ARHGAP42: variants seen among roughly 807,000 people sequenced by gnomAD.
ARHGAP42 encodes Rho GTPase activating protein 42.
Under a neutral mutation model 125.0 loss-of-function variants are expected in ARHGAP42, and 63 were observed. That is an observed-to-expected ratio of 0.50 (90% CI 0.41 to 0.62). ARHGAP42 has a LOEUF of 0.62. Among genes scored for constraint, ARHGAP42 ranks in the 20% least tolerant of loss-of-function variants. The probability of loss-of-function intolerance (pLI) is 0.00; values close to 1 mark genes in which losing one functional copy is unlikely to be tolerated. For synonymous variants in ARHGAP42, 339 were observed against 351.0 expected (o/e 0.97, Z 0.38); for missense variants, 766 against 1,024.2 (o/e 0.75, Z 3.44).
At chr11:100,732,676 G>A (rs531816937) in intron 1 of ARHGAP42, among the ~76,000 whole-genome samples, 2 of 152,204 alleles carry the variant, frequency 1.3e-5, no homozygotes, top group African/African-American at 4.8e-5. Flanking sequence ...CCTCTGAGGT[G>A]GACACAGGCC....
chr11:100,921,901 A>G (rs1005631699), intron 6 of ARHGAP42, among the ~76,000 whole-genome samples: 4 of 152,048 alleles, frequency 2.6e-5, no homozygotes, highest in Non-Finnish European at 5.9e-5. Context: ...TTAATGTATT[A>G]GCATTGTTTC....
intron 4 of ARHGAP42, among the ~76,000 whole-genome samples, chr11:100,871,675 G>A (rs555104085): frequency 2.0e-5 from 3 of 152,206 alleles, no homozygotes; most frequent in South Asian, 2.1e-4. Context: ...TTGAGCACAC[G>A]TTTGTCAAAG....
At chr11:100,719,452 T>C (rs1378416559) in intron 1 of ARHGAP42, among the ~76,000 whole-genome samples, 1 of 152,158 alleles carries the variant, frequency 6.6e-6, no homozygotes, top group Non-Finnish European at 1.5e-5. Flanking sequence ...CAGAGGACCT[T>C]AAGTGATCAA....
At chr11:100,879,760 A>G (rs760368191) in intron 4 of ARHGAP42, among the ~76,000 whole-genome samples, 1 of 152,088 alleles carries the variant, frequency 6.6e-6, no homozygotes, top group Non-Finnish European at 1.5e-5. Flanking sequence ...TCTCCGCTGT[A>G]TATTTCCCTT....
At chr11:100,900,373 C>T (rs1329270008) in intron 4 of ARHGAP42, among the ~76,000 whole-genome samples, 1 of 152,130 alleles carries the variant, frequency 6.6e-6, no homozygotes, top group Non-Finnish European at 1.5e-5. Flanking sequence ...GTGAATCTGA[C>T]AATTATGTGT....
At chr11:100,727,037 C>T (rs10895010) in intron 1 of ARHGAP42, among the ~76,000 whole-genome samples, 10,790 of 152,206 alleles carry the variant, frequency 0.071, 528 homozygotes, top group Middle Eastern at 0.14. Context: ...CTCTGTTCCT[C>T]CTGGGGATCC....
intron 1 of ARHGAP42, among the ~76,000 whole-genome samples, chr11:100,738,711 T>G (rs1862117491): frequency 1.3e-5 from 2 of 152,344 alleles, no homozygotes; most frequent in Admixed American, 1.3e-4. Flanking sequence ...TGCTGACTAC[T>G]AAAGGTAGTT....
At chr11:100,687,995 G>A in intron 1 of ARHGAP42, 163 bp downstream of exon 1, 1 of 750,392 alleles carries the variant, frequency 1.3e-6, no homozygotes, top group East Asian at 2.9e-5. Context: ...GTTTGTTCTT[G>A]AGGTGTTCTT....
chr11:100,770,473 A>T, intron 2 of ARHGAP42, 35 bp downstream of exon 2: 1 of 1,380,764 alleles, frequency 7.2e-7, no homozygotes, highest in Non-Finnish European at 9.9e-7. Context: ...TCTATTACTA[A>T]TATTTATTTT....
At chr11:100,798,579 C>T (rs1302324351) in intron 3 of ARHGAP42, among the ~76,000 whole-genome samples, 24 of 152,184 alleles carry the variant, frequency 1.6e-4, no homozygotes, top group Admixed American at 1.6e-3. Flanking sequence ...ATTGCACACT[C>T]AGTAGACTAC....
chr11:100,820,483 T>C (rs1864379641), intron 3 of ARHGAP42, among the ~76,000 whole-genome samples: 1 of 152,156 alleles, frequency 6.6e-6, no homozygotes, highest in African/African-American at 2.4e-5. Flanking sequence ...CTGGACAGAC[T>C]TAAAGAGACT....
chr11:100,941,146 G>A (rs934010851), intron 8 of ARHGAP42, among the ~76,000 whole-genome samples: 1 of 152,238 alleles, frequency 6.6e-6, no homozygotes, highest in African/African-American at 2.4e-5. Context: ...CTGGGAAACA[G>A]CAACTACAAA....
At chr11:100,896,585 A>G (rs144701506) in intron 4 of ARHGAP42, among the ~76,000 whole-genome samples, 10,083 of 152,234 alleles carry the variant, frequency 0.066, 460 homozygotes, top group East Asian at 0.25. Flanking sequence ...TTCTCTGATG[A>G]CTAGTGATGA....
At chr11:100,706,371 A>G (rs1274582339) in intron 1 of ARHGAP42, among the ~76,000 whole-genome samples, 2 of 152,222 alleles carry the variant, frequency 1.3e-5, no homozygotes, top group African/African-American at 4.8e-5. Flanking sequence ...AAGTTGTGTC[A>G]GACTAGTGTT....
At chr11:100,753,823 G>A (rs1316839879) in intron 1 of ARHGAP42, among the ~76,000 whole-genome samples, 1 of 152,166 alleles carries the variant, frequency 6.6e-6, no homozygotes, top group Non-Finnish European at 1.5e-5. Flanking sequence ...GTATCCTGGA[G>A]GCAGTCTCTT....
At chr11:100,863,702 T>C (rs1307453215) in intron 4 of ARHGAP42, among the ~76,000 whole-genome samples, 8 of 152,176 alleles carry the variant, frequency 5.3e-5, no homozygotes. Flanking sequence ...CTATAAACAG[T>C]TGTCAAGGAA....
chr11:100,850,271 T>A (rs1865171231), intron 3 of ARHGAP42, among the ~76,000 whole-genome samples: 1 of 152,218 alleles, frequency 6.6e-6, no homozygotes, highest in Admixed American at 6.6e-5. Context: ...ATACGTAGGC[T>A]ACGTGGTTCC....
intron 3 of ARHGAP42, among the ~76,000 whole-genome samples, chr11:100,811,112 CGCCCA>C (rs983251619): frequency 6.6e-6 from 1 of 152,074 alleles, no homozygotes; most frequent in African/African-American, 2.4e-5. Flanking sequence ...TGCGCCACCA[CGCCCA>C]GCTAATTTTT....
chr11:100,944,341 GC>G (rs1396062902), intron 10 of ARHGAP42, among the ~76,000 whole-genome samples: 1 of 152,068 alleles, frequency 6.6e-6, no homozygotes, highest in African/African-American at 2.4e-5. Context: ...GGTATTCTTA[GC>G]CCAAAGTATT....
Sources: gnomAD v4.1 joint callset for allele counts (sites outside exome capture counted in the v4.1 genomes callset) on GRCh38, gnomAD v4.1.1 for gene constraint, MANE v1.5 for transcripts, NCBI Gene and HGNC (gene_info 2026-07-23, HGNC 2026-07-21) for gene names.